Variants in BTBD9 observed in about 807,000 individuals in gnomAD.
BTBD9 encodes the protein BTB domain containing 9.
Under a neutral mutation model 64.3 loss-of-function variants are expected in BTBD9, and 49 were observed. The ratio of observed to expected loss-of-function variants is 0.76; its 90% CI spans 0.61 to 0.97. The LOEUF (loss-of-function observed/expected upper bound fraction) is 0.97, where lower values mean the gene tolerates loss of function less well. Among genes scored for constraint, BTBD9 ranks in the 50% least tolerant of loss-of-function variants. The probability of loss-of-function intolerance (pLI) is 0.00; values close to 1 mark genes in which losing one functional copy is unlikely to be tolerated. For missense variants in BTBD9, 598 were observed against 762.1 expected, an observed-to-expected ratio of 0.78 and a Z score of 2.53; for synonymous variants, 260 against 274.7, an observed-to-expected ratio of 0.95 and a Z score of 0.53.
chr6:38,510,281 AACTGAACTGAAG>A (rs2127409651), intron 6 of BTBD9, among the ~76,000 whole-genome samples: 1 of 152,358 alleles, frequency 6.6e-6, no homozygotes, highest in East Asian at 1.9e-4. Context: ...CACAGCATGT[AACTGAACTGAAG>A]ACTGTAGGTA....
intron 6 of BTBD9, among the ~76,000 whole-genome samples, chr6:38,470,515 T>C (rs1053350072): frequency 6.6e-6 from 1 of 152,248 alleles, no homozygotes; most frequent in Non-Finnish European, 1.5e-5. Context: ...GTTGGTTTTA[T>C]TGTGAACTCA....
chr6:38,516,943 T>C (rs1467975944), intron 6 of BTBD9, among the ~76,000 whole-genome samples: 2 of 152,164 alleles, frequency 1.3e-5, no homozygotes, highest in East Asian at 3.9e-4. Flanking sequence ...AAAGTGAAAA[T>C]TGTTCTCTTT....
rs767147253 is a variant in BTBD9, at chr6:38,238,495, C to T, written c.1562+17914G>A. Reference sequence around the variant, plus strand: ...GTTTTTTGTTTTTTTTTTTTTGAGACGGAGTCTCGCTCTGTCGCCCAGGCT... The same window carrying T: ...GTTTTTTGTTTTTTTTTTTTTGAGATGGAGTCTCGCTCTGTCGCCCAGGCT... On this transcript the variant is annotated intron_variant, in intron 9 of 10. Coordinates refer to ENST00000481247, the MANE Select transcript of BTBD9 (RefSeq NM_001099272.2). Among the ~76,000 whole-genome samples, 183 of 98,632 alleles carry T rather than the reference C, an allele frequency of 1.9e-3. 1 individual carries two copies. Among genetic ancestry groups the T allele is most frequent in the Admixed American group, 6.8e-3 (58 of 8,496 alleles). The allele number at this position is 98,632 out of a possible 152,430, so 64.7% of individuals were successfully genotyped here. A position where few individuals can be genotyped will look rare whatever the true frequency, so the allele number is the denominator to read the frequency against.
intron 1 of BTBD9, among the ~76,000 whole-genome samples, chr6:38,612,092 C>G (rs756698151): frequency 2.6e-5 from 4 of 152,134 alleles, no homozygotes; most frequent in African/African-American, 4.8e-5. Context: ...ATATAAAACT[C>G]ATGGTCAGGT....
chr6:38,552,891 G>A (rs1032410049), intron 6 of BTBD9, among the ~76,000 whole-genome samples: 4 of 152,042 alleles, frequency 2.6e-5, no homozygotes, highest in African/African-American at 9.7e-5. Flanking sequence ...ATTGGTTCCA[G>A]GACCCCCAAA....
intron 9 of BTBD9, among the ~76,000 whole-genome samples, chr6:38,197,487 A>T (rs1283204122): frequency 6.6e-6 from 1 of 152,160 alleles, no homozygotes; most frequent in Admixed American, 6.5e-5. Flanking sequence ...TGTCTGTGTC[A>T]TGCCTCCGGG....
rs529931161 is a variant in BTBD9 at position 38,330,470 on chromosome 6, TA to T, written c.1264+14513del. On this transcript the variant is annotated intron_variant, in intron 7 of 10. Coordinates refer to ENST00000481247, the MANE Select transcript of BTBD9 (RefSeq NM_001099272.2). ...GGGAGGCTGAGGTGAGAGTATCACT[TA>T]AGCCCAGGAGTTTGAGGACAGCCTG... Among the ~76,000 whole-genome samples, 147 of 152,180 alleles carry T rather than the reference TA, an allele frequency of 9.7e-4. No individual in the cohort carries two copies. The Middle Eastern group carries it at 0.01, about 11-fold the overall frequency.
At chr6:38,627,078 G>A (rs1352449838) in intron 1 of BTBD9, among the ~76,000 whole-genome samples, 1 of 152,172 alleles carries the variant, frequency 6.6e-6, no homozygotes. Flanking sequence ...CTATGCAAAT[G>A]CATACAAGAT....
intron 6 of BTBD9, among the ~76,000 whole-genome samples, chr6:38,437,882 G>A (rs970832627): frequency 4.6e-5 from 7 of 151,924 alleles, no homozygotes; most frequent in African/African-American, 9.7e-5. Context: ...AAAATGAAAA[G>A]GGGAAAGAAA....
intron 7 of BTBD9, among the ~76,000 whole-genome samples, chr6:38,336,246 C>A (rs1370377668): frequency 6.6e-6 from 1 of 152,136 alleles, no homozygotes; most frequent in South Asian, 2.1e-4. Flanking sequence ...CACACACTGA[C>A]CATTTTGTGT....
intron 6 of BTBD9, among the ~76,000 whole-genome samples, chr6:38,512,825 G>T (rs776211480): frequency 3.9e-5 from 6 of 152,112 alleles, no homozygotes; most frequent in Non-Finnish European, 7.3e-5. Flanking sequence ...ATAGAATTTT[G>T]TAGTTGAGAT....
intron 6 of BTBD9, among the ~76,000 whole-genome samples, chr6:38,523,879 C>T (rs935594145): frequency 6.6e-6 from 1 of 152,302 alleles, no homozygotes; most frequent in South Asian, 2.1e-4. Flanking sequence ...GGCAGATTCA[C>T]GGTTCACACC....
Position 38,334,053 on chromosome 6 carries a change from C to A in BTBD9, c.1264+10931G>T, listed in dbSNP as rs149213976. ...ATGCAGATGAGGAACTTATTGGGAACTGGAGTAAAGGTCACTTTTGCTATG... is the reference window on the plus strand; with the variant it reads ...ATGCAGATGAGGAACTTATTGGGAAATGGAGTAAAGGTCACTTTTGCTATG... On this transcript the variant is annotated intron_variant, in intron 7 of 10. Transcript: ENST00000481247. Among the ~76,000 whole-genome samples the A allele has an allele frequency of 3.1e-3, 479 of 152,256 alleles. 4 individuals carry two copies. Among genetic ancestry groups the A allele is most frequent in the African/African-American group, 0.011 (445 of 41,520 alleles).
rs1008327921 is a variant in BTBD9, at chr6:38,299,306, G to A, written c.1265-10845C>T. On this transcript the variant is annotated intron_variant, in intron 7 of 10. Coordinates refer to ENST00000481247, the MANE Select transcript of BTBD9 (RefSeq NM_001099272.2). ...AGTCTTTGCTATGGTGAATAGTGCT[G>A]CAATAAACATACGTGTGCACGTGTC... 2.0e-5 allele frequency among the ~76,000 whole-genome samples: 3 copies of A among 152,106 alleles called. No individual in the cohort carries two copies. In the East Asian group the frequency reaches 5.8e-4, roughly 29 times the overall value.
At chr6:38,588,467 C>T (rs745950292) in intron 4 of BTBD9, 44 of 853,396 alleles carry the variant, frequency 5.2e-5, no homozygotes, top group Non-Finnish European at 8.0e-5. Flanking sequence ...CCAACTGGGC[C>T]TAATCCTTAT....
intron 7 of BTBD9, among the ~76,000 whole-genome samples, chr6:38,303,874 T>TATATATATATATATATATATATATAC (rs368257334): frequency 1.2e-5 from 1 of 82,648 alleles, no homozygotes; most frequent in Non-Finnish European, 2.3e-5. Flanking sequence ...TATATATATA[T>TATATATATATATATATATATATATAC]ACACACACAC....
At chr6:38,406,806 C>G (rs1417224252) in intron 6 of BTBD9, among the ~76,000 whole-genome samples, 1 of 152,196 alleles carries the variant, frequency 6.6e-6, no homozygotes, top group East Asian at 1.9e-4. Flanking sequence ...GACACGACCA[C>G]AGTGCACTGC....
intron 6 of BTBD9, among the ~76,000 whole-genome samples, chr6:38,455,238 T>G (rs541922208): frequency 2.6e-4 from 40 of 152,238 alleles, no homozygotes; most frequent in Admixed American, 1.9e-3. Context: ...ACAAAACAGA[T>G]CCATTACCCC....
At chr6:38,411,571 C>T (rs959767607) in intron 6 of BTBD9, among the ~76,000 whole-genome samples, 4 of 152,102 alleles carry the variant, frequency 2.6e-5, no homozygotes, top group African/African-American at 9.7e-5. Flanking sequence ...TCAGATCCAT[C>T]TTCATACTGT....
Sources: gnomAD v4.1 joint callset for allele counts (sites outside exome capture counted in the v4.1 genomes callset) on GRCh38, gnomAD v4.1.1 for gene constraint, MANE v1.5 for transcripts, NCBI Gene and HGNC (gene_info 2026-07-23, HGNC 2026-07-21) for gene names.